ABI1: variants seen among roughly 807,000 people sequenced by gnomAD.
ABI1 encodes abl interactor 1.
ABI1 carries 14 observed loss-of-function variants against 54.6 expected under a neutral mutation model. The observed-to-expected ratio is 0.26, with a 90% CI of 0.17 to 0.40. ABI1 has a LOEUF of 0.40. Ranked by LOEUF, ABI1 falls within the 10% of genes least tolerant of loss-of-function variation. The probability of loss-of-function intolerance (pLI) is 1.00; values close to 1 mark genes in which losing one functional copy is unlikely to be tolerated. For synonymous variants in ABI1, 194 were observed against 209.3 expected, an observed-to-expected ratio of 0.93 and a Z score of 0.63; for missense variants, 443 against 598.3, an observed-to-expected ratio of 0.74 and a Z score of 2.71.
chr10:26,815,754 C>CA (rs2047521712), intron 2 of ABI1, among the ~76,000 whole-genome samples: 1 of 151,884 alleles, frequency 6.6e-6, no homozygotes, highest in Non-Finnish European at 1.5e-5. Context: ...CCTCACCACC[C>CA]AAAAAAATTA....
intron 3 of ABI1, among the ~76,000 whole-genome samples, chr10:26,774,653 C>T (rs1014935810): frequency 2.0e-5 from 3 of 151,948 alleles, no homozygotes; most frequent in Admixed American, 2.0e-4. Context: ...GCATAAAATG[C>T]ATTAACACAG....
chr10:26,814,498 T>C (rs1327643679), intron 2 of ABI1, among the ~76,000 whole-genome samples: 2 of 152,198 alleles, frequency 1.3e-5, no homozygotes, highest in Non-Finnish European at 1.5e-5. Context: ...TGTGAAAAAG[T>C]TGGTGATGTG....
intron 8 of ABI1, among the ~76,000 whole-genome samples, chr10:26,757,517 T>G (rs888282682): frequency 6.6e-6 from 1 of 151,400 alleles, no homozygotes; most frequent in Non-Finnish European, 1.5e-5. Flanking sequence ...ATGAAAAAAA[T>G]AAAGTTGATG....
At chr10:26,842,143 C>T (rs1347905572) in intron 1 of ABI1, among the ~76,000 whole-genome samples, 5 of 152,154 alleles carry the variant, frequency 3.3e-5, no homozygotes, top group South Asian at 2.1e-4. Context: ...TGTGAGGTGA[C>T]GCCCACAGTG....
chr10:26,786,278 A>G (rs947061132), intron 2 of ABI1, among the ~76,000 whole-genome samples: 4 of 149,810 alleles, frequency 2.7e-5, no homozygotes, highest in African/African-American at 9.9e-5. Context: ...CAGTGGTGCG[A>G]TCTCGGCTCA....
intron 1 of ABI1, among the ~76,000 whole-genome samples, chr10:26,826,716 T>A (rs577817073): frequency 2.6e-4 from 39 of 152,320 alleles, no homozygotes; most frequent in African/African-American, 8.9e-4. Context: ...AGCTTCTACA[T>A]CAGCACTTGC....
intron 3 of ABI1, among the ~76,000 whole-genome samples, chr10:26,773,228 T>TTTTTTTTTTTTTTTTTTTTTTTTTTG (rs1588830810): frequency 6.8e-6 from 1 of 148,080 alleles, no homozygotes; most frequent in Non-Finnish European, 1.5e-5. Context: ...TTTTTTTTTT[T>TTTTTTTTTTTTTTTTTTTTTTTTTTG]GCTGGCTCTG....
chr10:26,808,351 T>C (rs2047005944), intron 2 of ABI1, among the ~76,000 whole-genome samples: 1 of 152,180 alleles, frequency 6.6e-6, no homozygotes, highest in South Asian at 2.1e-4. Context: ...TTCTCTATCC[T>C]AAAAATAAAT....
intron 2 of ABI1, among the ~76,000 whole-genome samples, chr10:26,791,296 A>G (rs1465888706): frequency 2.0e-5 from 3 of 152,152 alleles, no homozygotes; most frequent in Non-Finnish European, 4.4e-5. Flanking sequence ...ACTTCAAGTT[A>G]TAAATAAGAA....
At chr10:26,799,973 A>G (rs1034200238) in intron 2 of ABI1, among the ~76,000 whole-genome samples, 4 of 150,332 alleles carry the variant, frequency 2.7e-5, no homozygotes, top group African/African-American at 9.9e-5. Flanking sequence ...AACACTTGGA[A>G]AACAATTTTA....
In ABI1 at chr10:26,747,071, A is replaced by ATTGAT. The variant is rs1162411008; in HGVS notation, c.*1494_*1498dup. The ATTGAT allele has an allele frequency of 2.2e-5, 5 of 229,266 alleles. No individual in the cohort carries two copies. Among genetic ancestry groups the ATTGAT allele is most frequent in the Non-Finnish European group, 1.7e-5 (2 of 115,540 alleles). 14.2% of individuals were successfully genotyped at this position (229,266 alleles called of 1,614,324 possible). A position where few individuals can be genotyped will look rare whatever the true frequency, so the allele number is the denominator to read the frequency against. ...GGCAAAATGCATATGAAATAGTCACATTGATTTGGTAGCAATAATGGTCTT... is the reference window on the plus strand; with the variant it reads ...GGCAAAATGCATATGAAATAGTCACATTGATTTGATTTGGTAGCAATAATGGTCTT... On this transcript the variant is annotated 3_prime_UTR_variant, in exon 11 of 11. Coordinates refer to ENST00000376140, the MANE Select transcript of ABI1 (RefSeq NM_001012750.3).
intron 1 of ABI1, among the ~76,000 whole-genome samples, chr10:26,824,090 G>GA (rs75195830): frequency 0.043 from 6,359 of 147,272 alleles, 332 homozygotes; most frequent in South Asian, 0.21. Context: ...GTTCTACACA[G>GA]AAAAAAAAAA....
chr10:26,801,450 G>T (rs2046552436), intron 2 of ABI1, among the ~76,000 whole-genome samples: 1 of 152,060 alleles, frequency 6.6e-6, no homozygotes, highest in African/African-American at 2.4e-5. Flanking sequence ...AGGAGGCTGA[G>T]GTGGCAGGAT....
At chr10:26,779,331 G>C (rs940063415) in intron 2 of ABI1, among the ~76,000 whole-genome samples, 3 of 152,186 alleles carry the variant, frequency 2.0e-5, no homozygotes, top group African/African-American at 7.2e-5. Flanking sequence ...ATAAGTACCA[G>C]GAAGTAGGCA....
intron 1 of ABI1, among the ~76,000 whole-genome samples, chr10:26,835,615 TACACAC>T (rs144455739): frequency 6.7e-6 from 1 of 149,376 alleles, no homozygotes; most frequent in Non-Finnish European, 1.5e-5. Flanking sequence ...TAATTTTAAA[TACACAC>T]ACACACACAC....
At chr10:26,752,244 A>G (rs2132426332) in intron 9 of ABI1, among the ~76,000 whole-genome samples, 1 of 152,330 alleles carries the variant, frequency 6.6e-6, no homozygotes, top group South Asian at 2.1e-4. Context: ...TTCCCTAAAA[A>G]TTCAGTCTCC....
At chr10:26,799,546 G>A (rs1019955894) in intron 2 of ABI1, among the ~76,000 whole-genome samples, 2 of 152,100 alleles carry the variant, frequency 1.3e-5, no homozygotes, top group African/African-American at 4.8e-5. Flanking sequence ...ACCAACTGAA[G>A]GGGAAAAAAT....
At chr10:26,810,629 T>C (rs889391421) in intron 2 of ABI1, among the ~76,000 whole-genome samples, 3 of 152,176 alleles carry the variant, frequency 2.0e-5, no homozygotes, top group Non-Finnish European at 4.4e-5. Flanking sequence ...TAACAATATG[T>C]AAACAAAGGA....
chr10:26,823,709 C>T (rs2048129353), intron 1 of ABI1, among the ~76,000 whole-genome samples: 1 of 152,200 alleles, frequency 6.6e-6, no homozygotes, highest in Non-Finnish European at 1.5e-5. Flanking sequence ...CCTGTGTCCA[C>T]TAACCACCAT....
Sources: allele counts gnomAD v4.1 joint callset (sites outside exome capture counted in the v4.1 genomes callset), GRCh38; gene constraint gnomAD v4.1.1; transcripts MANE v1.5; gene names NCBI Gene and HGNC (gene_info 2026-07-23, HGNC 2026-07-21).